ADGRV1: variants seen among roughly 807,000 people sequenced by gnomAD.
ADGRV1 encodes the protein adhesion G protein-coupled receptor V1.
Under a neutral mutation model 596.2 loss-of-function variants are expected in ADGRV1, and 359 were observed. The observed-to-expected ratio is 0.60, with a 90% CI of 0.55 to 0.66. ADGRV1 has a LOEUF of 0.66. Ranked by LOEUF, ADGRV1 falls within the 30% of genes least tolerant of loss-of-function variation. ADGRV1 has a pLI of 0.00. For synonymous variants in ADGRV1, 2,681 were observed against 2,679.2 expected, an observed-to-expected ratio of 1.00 and a Z score of -0.02; for missense variants, 7,274 against 7,575.6, an observed-to-expected ratio of 0.96 and a Z score of 1.48.
chr5:90,926,626 T>C (rs1774496938), intron 83 of ADGRV1, among the ~76,000 whole-genome samples: 3 of 152,056 alleles, frequency 2.0e-5, no homozygotes, highest in South Asian at 2.1e-4. Context: ...TTTGTGTCTC[T>C]GTTTCCTTCA....
At chr5:90,595,552 C>T (rs1760295558) in intron 1 of ADGRV1, among the ~76,000 whole-genome samples, 3 of 131,536 alleles carry the variant, frequency 2.3e-5, no homozygotes, top group African/African-American at 6.2e-5. Context: ...GGGCGGCTGG[C>T]CGGGCGGGGG....
At chr5:91,081,204 G>T (rs1789341651) in intron 86 of ADGRV1, among the ~76,000 whole-genome samples, 2 of 151,998 alleles carry the variant, frequency 1.3e-5, no homozygotes, top group Admixed American at 1.3e-4. Flanking sequence ...CATCATGGGG[G>T]CTCCACCTTC....
At chr5:91,135,079 G>T (rs1436202656) in intron 87 of ADGRV1, among the ~76,000 whole-genome samples, 2 of 151,504 alleles carry the variant, frequency 1.3e-5, no homozygotes, top group Admixed American at 6.6e-5. Flanking sequence ...TACTTGGGAG[G>T]CTGAGGCAGG....
At chr5:90,848,978 G>T (rs1462635617) in intron 79 of ADGRV1, among the ~76,000 whole-genome samples, 157 bp downstream of exon 79, 2 of 152,022 alleles carry the variant, frequency 1.3e-5, no homozygotes, top group African/African-American at 4.8e-5. Flanking sequence ...TTATTTGAAG[G>T]AAACATAGCA....
intron 48 of ADGRV1, among the ~76,000 whole-genome samples, chr5:90,727,206 G>C (rs540460580): frequency 1.3e-5 from 2 of 152,236 alleles, no homozygotes; most frequent in Admixed American, 1.3e-4. Context: ...TCCTACCTTA[G>C]CCTCCCGGGT....
At position 90,802,897 on chromosome 5, in the gene ADGRV1, G is replaced by A. The variant is rs375666417; in HGVS notation, c.14661+15G>A. ...CCAATTCTCAGGTAATTGGCCCTGT[G>A]TGTGGTTCTCTCAGCAGAACACTAG... On this transcript the variant is annotated intron_variant, in intron 71 of 89. Transcript: ENST00000405460. The A allele has an allele frequency of 6.9e-6, 11 of 1,593,298 alleles. No homozygotes were observed. Among genetic ancestry groups the A allele is most frequent in the Non-Finnish European group, 9.4e-6 (11 of 1,169,062 alleles).
chr5:90,914,098 A>G (rs994668636), intron 83 of ADGRV1, among the ~76,000 whole-genome samples: 5 of 152,164 alleles, frequency 3.3e-5, no homozygotes, highest in African/African-American at 9.6e-5. Flanking sequence ...CTTATCCAAA[A>G]TGCTTGGGAC....
At chr5:90,574,040 G>C (rs1756888711) in intron 1 of ADGRV1, among the ~76,000 whole-genome samples, 1 of 151,724 alleles carries the variant, frequency 6.6e-6, no homozygotes, top group Non-Finnish European at 1.5e-5. Flanking sequence ...GTAACAAGCT[G>C]TTTTGGTTAC....
chr5:90,808,902 AAAC>A (rs1292563996), intron 73 of ADGRV1, among the ~76,000 whole-genome samples: 1 of 152,072 alleles, frequency 6.6e-6, no homozygotes, highest in Non-Finnish European at 1.5e-5. Flanking sequence ...TCCGTATCAA[AAAC>A]AACAAGAAGT....
At chr5:90,790,516 G>C (rs1759948927) in intron 69 of ADGRV1, among the ~76,000 whole-genome samples, 2 of 152,072 alleles carry the variant, frequency 1.3e-5, no homozygotes, top group African/African-American at 4.8e-5. Context: ...ATTCTGATTT[G>C]AATTGTCAAA....
chr5:91,035,140 A>G (rs1784760696), intron 85 of ADGRV1, among the ~76,000 whole-genome samples: 1 of 152,030 alleles, frequency 6.6e-6, no homozygotes, highest in African/African-American at 2.4e-5. Flanking sequence ...TTCCAGCCCT[A>G]TACTTCTTCC....
At chr5:90,985,131 G>A (rs1408608993) in intron 84 of ADGRV1, among the ~76,000 whole-genome samples, 1 of 152,126 alleles carries the variant, frequency 6.6e-6, no homozygotes, top group Admixed American at 6.5e-5. Context: ...ATATTTCCCT[G>A]TGTTTCCAGA....
intron 87 of ADGRV1, among the ~76,000 whole-genome samples, chr5:91,121,622 A>G (rs1365748645): frequency 5.3e-5 from 8 of 152,214 alleles, no homozygotes; most frequent in Non-Finnish European, 2.9e-5. Context: ...GAACCACAGC[A>G]TTGGAGACAA....
intron 85 of ADGRV1, among the ~76,000 whole-genome samples, chr5:91,033,288 T>C (rs1329363958): frequency 6.6e-6 from 1 of 152,248 alleles, no homozygotes; most frequent in Non-Finnish European, 1.5e-5. Context: ...GTGTGGCTTA[T>C]AATTTTTTTA....
At chr5:90,573,528 G>C (rs1022940429) in intron 1 of ADGRV1, among the ~76,000 whole-genome samples, 4 of 151,860 alleles carry the variant, frequency 2.6e-5, no homozygotes, top group Non-Finnish European at 2.9e-5. Flanking sequence ...GTAAGAATTT[G>C]TGTATCTACA....
Position 91,150,076 on chromosome 5 carries a change from G to T in ADGRV1, c.18479G>T (p.Cys6160Phe), listed in dbSNP as rs1242164038. 5.8e-6 allele frequency: 9 copies of T among 1,539,308 alleles called. No individual in the cohort carries two copies. In the Admixed American group the frequency reaches 1.0e-4, roughly 17 times the overall value. The change falls in exon 88 of 90, where the codon TGT (cysteine) becomes TTT (phenylalanine). Residue 6160 changes from cysteine to phenylalanine, a missense_variant. Coordinates refer to ENST00000405460, the MANE Select transcript of ADGRV1 (RefSeq NM_032119.4). ...TATTTCATTTTACACAACCAAATGT[G>T]TTGCCCTATGAAGGCCAGTTACACT... Reference protein sequence around the residue: ...MVYFILHNQMCCPMKASYTVE... With the variant: ...MVYFILHNQMFCPMKASYTVE...
chr5:90,997,939 G>A (rs1781551801), intron 85 of ADGRV1, among the ~76,000 whole-genome samples: 3 of 152,198 alleles, frequency 2.0e-5, no homozygotes, highest in Admixed American at 2.0e-4. Context: ...AGAGCCATAT[G>A]TATAAGTCTA....
At chr5:90,590,817 C>A (rs1302897597) in intron 1 of ADGRV1, among the ~76,000 whole-genome samples, 1 of 152,056 alleles carries the variant, frequency 6.6e-6, no homozygotes, top group African/African-American at 2.4e-5. Context: ...GTTATATATT[C>A]ATTTAAATAC....
chr5:90,806,846 T>G (rs1761945757), intron 72 of ADGRV1, among the ~76,000 whole-genome samples: 1 of 151,286 alleles, frequency 6.6e-6, no homozygotes, highest in Non-Finnish European at 1.5e-5. Context: ...TTTATTTATT[T>G]ATTTTATTTT....
Sources: allele counts gnomAD v4.1 joint callset (sites outside exome capture counted in the v4.1 genomes callset), GRCh38; gene constraint gnomAD v4.1.1; transcripts MANE v1.5; gene names NCBI Gene and HGNC (gene_info 2026-07-23, HGNC 2026-07-21).